Variants in PHF14 observed in about 807,000 individuals in gnomAD.
PHF14 encodes PHD finger protein 14.
Under a neutral mutation model 117.9 loss-of-function variants are expected in PHF14, and 55 were observed. That is an observed-to-expected ratio of 0.47 (90% CI 0.38 to 0.58). The LOEUF (loss-of-function observed/expected upper bound fraction) is 0.58. Among genes scored for constraint, PHF14 ranks in the 20% least tolerant of loss-of-function variants. PHF14 has a pLI of 0.00. For missense variants in PHF14, 978 were observed against 1,122.2 expected (o/e 0.87, Z 1.84); for synonymous variants, 409 against 368.6 (o/e 1.11, Z -1.26).
At chr7:11,141,321 T>G (rs1391662225) in intron 17 of PHF14, among the ~76,000 whole-genome samples, 1 of 152,074 alleles carries the variant, frequency 6.6e-6, no homozygotes, top group East Asian at 1.9e-4. Flanking sequence ...TAATGAATTG[T>G]CTGAAGATAT....
chr7:11,040,711 A>T lies in PHF14; in HGVS notation c.2116A>T (p.Arg706Ter). 1 of 1,571,190 alleles carries T rather than the reference A, an allele frequency of 6.4e-7. No homozygotes were observed. Among genetic ancestry groups the T allele is most frequent in the Non-Finnish European group, 8.6e-7 (1 of 1,157,022 alleles). The change falls in exon 12 of 18, where the codon AGA becomes TGA. Residue 706 changes from arginine (R) to a stop codon, truncating the protein, a stop_gained. Transcript: ENST00000634607. LOFTEE classifies it high-confidence loss of function. Reference sequence around the variant, plus strand: ...GGCAATTTTGCGAGCACCCAAGGAGAGAAAACCAAGTAAAAAAGAAGGAGG... The same window carrying T: ...GGCAATTTTGCGAGCACCCAAGGAGTGAAAACCAAGTAAAAAAGAAGGAGG... Reference protein sequence around the residue: ...IPAILRAPKERKPSKKEGGTQ... With the variant: ...IPAILRAPKE
rs145326388 is a variant in PHF14 at position 11,107,103 on chromosome 7, C to G, written c.2655-4247C>G. ...TTTTAAAAAGTAGTTGTAGTTTACT[C>G]CTCTAATGAAATTAGAGATGTTAAA... On this transcript the variant is annotated intron_variant, in intron 16 of 17. Transcript: ENST00000634607. The G allele has an allele frequency of 7.8e-3, 7,607 of 979,304 alleles. 36 individuals are homozygous for G. The highest frequency in any genetic ancestry group is 8.6e-3 in the Non-Finnish European group (7,065 of 824,578). 60.7% of individuals were successfully genotyped at this position (979,304 alleles called of 1,614,324 possible).
intron 14 of PHF14, 135 bp downstream of exon 14, chr7:11,051,915 T>G: frequency 1.5e-6 from 1 of 686,586 alleles, no homozygotes; most frequent in South Asian, 2.2e-5. Flanking sequence ...TAACAATTTT[T>G]TTTCTATATT....
chr7:11,160,360 A>T (rs1351527463), intron 17 of PHF14, among the ~76,000 whole-genome samples: 4 of 152,238 alleles, frequency 2.6e-5, no homozygotes, highest in African/African-American at 9.6e-5. Flanking sequence ...TGCTGCAGTG[A>T]ACATACAAAT....
chr7:11,153,001 G>GTACTTTCTAGGTCATGGCAGTAGT (rs2128354510), intron 17 of PHF14, among the ~76,000 whole-genome samples: 1 of 152,284 alleles, frequency 6.6e-6, no homozygotes, highest in South Asian at 2.1e-4. Context: ...GCCTGATGAT[G>GTACTTTCTAGGTCATGGCAGTAGT]TACTTTCTAG....
chr7:11,122,539 C>A (rs1186525696), intron 17 of PHF14, among the ~76,000 whole-genome samples: 1 of 148,708 alleles, frequency 6.7e-6, no homozygotes, highest in Non-Finnish European at 1.5e-5. Context: ...CAATTATTTC[C>A]CTTTCTACCC....
intron 16 of PHF14, among the ~76,000 whole-genome samples, chr7:11,075,242 C>G (rs766957228): frequency 2.0e-5 from 3 of 152,028 alleles, no homozygotes; most frequent in Non-Finnish European, 4.4e-5. Flanking sequence ...CCTGGCCTTT[C>G]AGACATCTTT....
chr7:11,031,111 T>C (rs1784107400), intron 7 of PHF14, among the ~76,000 whole-genome samples: 1 of 152,164 alleles, frequency 6.6e-6, no homozygotes, highest in Non-Finnish European at 1.5e-5. Flanking sequence ...TTTTATACTC[T>C]TTAGACATTC....
At position 11,158,795 on chromosome 7, in the gene PHF14, G is replaced by T. The variant is rs536420169; in HGVS notation, c.2773-10621G>T. 5.3e-5 allele frequency among the ~76,000 whole-genome samples: 8 copies of T among 152,238 alleles called. No homozygotes were observed. In the South Asian group the frequency reaches 1.7e-3, roughly 32 times the overall value. Reference sequence around the variant, plus strand: ...TCCATGTATGTCATAGTTGCTTACAGATTAGCCTGAAGTCCATCTATGAAT... The same window carrying T: ...TCCATGTATGTCATAGTTGCTTACATATTAGCCTGAAGTCCATCTATGAAT... On this transcript the variant is annotated intron_variant, in intron 17 of 17. Coordinates refer to ENST00000634607, the MANE Select transcript of PHF14 (RefSeq NM_001007157.2).
chr7:11,014,111 C>A (rs1430700425), intron 5 of PHF14, among the ~76,000 whole-genome samples: 5 of 152,138 alleles, frequency 3.3e-5, no homozygotes, highest in African/African-American at 1.2e-4. Flanking sequence ...GCCTTTACAT[C>A]CATAATCTTA....
At chr7:11,114,281 C>CTT (rs1425313259) in intron 17 of PHF14, among the ~76,000 whole-genome samples, 2 of 152,024 alleles carry the variant, frequency 1.3e-5, no homozygotes. Context: ...ATGAATTGCA[C>CTT]TTTAACATTT....
At chr7:11,001,714 G>GT in intron 4 of PHF14, among the ~76,000 whole-genome samples, 1 of 152,236 alleles carries the variant, frequency 6.6e-6, no homozygotes, top group Middle Eastern at 3.4e-3. Flanking sequence ...TGTATATTAA[G>GT]TTTGTATGCT....
At chr7:10,987,762 T>C (rs1011118082) in intron 3 of PHF14, among the ~76,000 whole-genome samples, 4 of 152,160 alleles carry the variant, frequency 2.6e-5, no homozygotes, top group African/African-American at 9.6e-5. Flanking sequence ...TGAAAGATGA[T>C]ATACGTCTTC....
chr7:10,993,512 T>C (rs1402679438), intron 4 of PHF14, among the ~76,000 whole-genome samples: 1 of 152,234 alleles, frequency 6.6e-6, no homozygotes, highest in Non-Finnish European at 1.5e-5. Flanking sequence ...CTTGGTATTC[T>C]GTAAATTTTA....
intron 7 of PHF14, among the ~76,000 whole-genome samples, chr7:11,035,363 A>G (rs946098030): frequency 6.6e-6 from 1 of 152,130 alleles, no homozygotes; most frequent in African/African-American, 2.4e-5. Context: ...CTACTATACA[A>G]GTACACCCAA....
At chr7:11,080,217 G>A (rs542417384) in intron 16 of PHF14, among the ~76,000 whole-genome samples, 2 of 152,156 alleles carry the variant, frequency 1.3e-5, no homozygotes, top group Non-Finnish European at 2.9e-5. Flanking sequence ...TAGCTTTGAT[G>A]TGGAGTACCT....
intron 13 of PHF14, among the ~76,000 whole-genome samples, chr7:11,045,289 T>G (rs914524116): frequency 3.9e-5 from 6 of 152,166 alleles, no homozygotes; most frequent in African/African-American, 1.4e-4. Flanking sequence ...TCTCCTTGTT[T>G]CTAGTGATCA....
At position 11,104,803 on chromosome 7, in the gene PHF14, T is replaced by G. The variant is rs888324642; in HGVS notation, c.2655-6547T>G. The G allele has an allele frequency of 5.5e-6, 4 of 724,406 alleles. No individual in the cohort carries two copies. The African/African-American group carries it at 7.7e-5, about 14-fold the overall frequency. The allele number at this position is 724,406 out of a possible 1,614,324, so 44.9% of individuals were successfully genotyped here. ...TCTGATTTAGTAGAAAATTTGCATTTCTAACAAGTTCCCAGCTGATGCTGA... is the reference window on the plus strand; with the variant it reads ...TCTGATTTAGTAGAAAATTTGCATTGCTAACAAGTTCCCAGCTGATGCTGA... On this transcript the variant is annotated intron_variant, in intron 16 of 17. Transcript: ENST00000634607.
At chr7:11,107,226 A>G in intron 16 of PHF14, 2 of 983,494 alleles carry the variant, frequency 2.0e-6, no homozygotes, top group Non-Finnish European at 2.4e-6. Flanking sequence ...TCAGGTAAAC[A>G]CCTGACTAAT....
Sources: gnomAD v4.1 joint callset for allele counts (sites outside exome capture counted in the v4.1 genomes callset) on GRCh38, gnomAD v4.1.1 for gene constraint, MANE v1.5 for transcripts, NCBI Gene and HGNC (gene_info 2026-07-23, HGNC 2026-07-21) for gene names.